Variants in CMIP observed in about 807,000 individuals in gnomAD.
CMIP encodes the protein c-Maf inducing protein.
A neutral mutation model predicts 97.3 loss-of-function variants in CMIP; 13 were observed. The observed-to-expected ratio is 0.13, with a 90% CI of 0.09 to 0.21. CMIP has a LOEUF of 0.21. CMIP is among the 10% of genes least tolerant of loss of function. The pLI, the probability that CMIP is intolerant of heterozygous loss-of-function variation, is 1.00. For missense variants in CMIP, 847 were observed against 1,024.9 expected, an observed-to-expected ratio of 0.83 and a Z score of 2.37; for synonymous variants, 538 against 436.3, an observed-to-expected ratio of 1.23 and a Z score of -2.91.
chr16:81,453,520 A>G lies in CMIP; in HGVS notation c.300+7979A>G, dbSNP rs1188523166. Among the ~76,000 whole-genome samples the G allele has an allele frequency of 6.6e-6, 1 of 152,234 alleles. No individual in the cohort carries two copies. Among genetic ancestry groups the G allele is most frequent in the East Asian group, 1.9e-4 (1 of 5,194 alleles). On this transcript the variant is annotated intron_variant, in intron 1 of 20. Transcript: ENST00000537098. This position sits in a 1 kb window ranked among gnomAD's most constrained non-coding sequence, Gnocchi z 4.0. ...GAAAATTGGAGCACACAGTCTGAGC[A>G]GACCCAGGCCTGGCTCTCCTCCCTC...
intron 2 of CMIP, 75 bp downstream of exon 2, chr16:81,607,767 A>C (rs56210219): frequency 0.025 from 38,400 of 1,508,874 alleles, 1,974 homozygotes; most frequent in East Asian, 0.19. Context: ...TTTCCCTTGG[A>C]GGGAGCCAGC....
chr16:81,705,553 C>T lies in CMIP; in HGVS notation c.2146C>T (p.Leu716=), dbSNP rs778037633. 42 of 1,609,354 alleles carry T rather than the reference C, an allele frequency of 2.6e-5. No homozygotes were observed. Among genetic ancestry groups the T allele is most frequent in the Non-Finnish European group, 3.5e-5 (41 of 1,178,644 alleles). Residue 716 remains leucine (L), a synonymous_variant, in exon 19 of 21, where the codon CTG becomes TTG. Transcript: ENST00000537098. ...GGAACACCTCACCATGCTCCAGGTG[C>T]TGAACCTGTGCGAGACCCCGGTCAC... The part of the protein sequence containing the change: ...LSEHLTMLQV[L]NLCETPVTDA...
At chr16:81,615,006 G>T (rs547117163) in intron 2 of CMIP, among the ~76,000 whole-genome samples, 1 of 143,748 alleles carries the variant, frequency 7.0e-6, no homozygotes, top group Non-Finnish European at 1.5e-5. Context: ...GTGTCTATAT[G>T]TGATGTCTCT....
In CMIP at chr16:81,678,715, G is replaced by C. The variant is rs1904552739; in HGVS notation, c.1388+87G>C. The C allele has an allele frequency of 2.1e-5, 14 of 654,144 alleles. No individual in the cohort carries two copies. In the South Asian group the frequency reaches 2.2e-4, roughly 10 times the overall value. 40.5% of individuals were successfully genotyped at this position (654,144 alleles called of 1,614,324 possible). A position where few individuals can be genotyped will look rare whatever the true frequency, so the allele number is the denominator to read the frequency against. On this transcript the variant is annotated intron_variant, in intron 10 of 20. Coordinates refer to ENST00000537098, the MANE Select transcript of CMIP (RefSeq NM_198390.3). Reference sequence around the variant, plus strand: ...TGGGTGCGGCTGTGTTTGTTGGTTCGAGCTACGCAGGGCCGGGCATGGTAG... The same window carrying C: ...TGGGTGCGGCTGTGTTTGTTGGTTCCAGCTACGCAGGGCCGGGCATGGTAG...
intron 3 of CMIP, among the ~76,000 whole-genome samples, chr16:81,640,078 G>A (rs570606346): frequency 1.6e-4 from 24 of 152,228 alleles, no homozygotes; most frequent in Non-Finnish European, 2.9e-4. Flanking sequence ...GTCCCTACCC[G>A]AATTCTCCTG....
At chr16:81,699,501 T>C (rs563014769) in intron 14 of CMIP, among the ~76,000 whole-genome samples, 184 bp from the exon 15 acceptor site, 2 of 152,152 alleles carry the variant, frequency 1.3e-5, no homozygotes, top group Non-Finnish European at 2.9e-5. Flanking sequence ...TCATCTGGGT[T>C]AGATCGTGTG....
intron 1 of CMIP, among the ~76,000 whole-genome samples, chr16:81,593,781 A>G (rs2091502969): frequency 6.6e-6 from 1 of 151,882 alleles, no homozygotes. Flanking sequence ...CCTCCCTAGC[A>G]CCCTCTTGAG....
chr16:81,705,925 A>C (rs979905379), intron 19 of CMIP, among the ~76,000 whole-genome samples: 3 of 152,186 alleles, frequency 2.0e-5, no homozygotes, highest in African/African-American at 7.2e-5. Context: ...GTACATTGCC[A>C]CTGTGGTCCC....
chr16:81,477,613 C>A (rs1239654084), intron 1 of CMIP, among the ~76,000 whole-genome samples: 1 of 152,238 alleles, frequency 6.6e-6, no homozygotes, highest in African/African-American at 2.4e-5. Context: ...ATGTAAGACT[C>A]CGGGATCATA....
chr16:81,518,835 ATTTTTTTTT>A (rs35435211), intron 1 of CMIP: 3 of 123,356 alleles, frequency 2.4e-5, no homozygotes, highest in East Asian at 4.8e-4. Flanking sequence ...CTGCATCTCT[ATTTTTTTTT>A]TTTTTTTTTT....
At position 81,710,154 on chromosome 16, in the gene CMIP, G is replaced by A. The variant is rs907737828; in HGVS notation, c.*355G>A. 3 of 308,348 alleles carry A rather than the reference G, an allele frequency of 9.7e-6. No homozygotes were observed. The highest frequency in any genetic ancestry group is 6.4e-5 in the African/African-American group (3 of 46,706). 19.1% of individuals were successfully genotyped at this position (308,348 alleles called of 1,614,324 possible). A position where few individuals can be genotyped will look rare whatever the true frequency, so the allele number is the denominator to read the frequency against. On this transcript the variant is annotated 3_prime_UTR_variant, in exon 21 of 21. Transcript: ENST00000537098. The stretch of plus-strand genomic sequence containing the variant: ...TGTTTGATGCCGTCGTGTGGGAAAA[G>A]TCAACTCCGATGCCACCATTGCGGG...
intron 1 of CMIP, among the ~76,000 whole-genome samples, chr16:81,542,866 T>C (rs1300319077): frequency 1.3e-5 from 2 of 152,162 alleles, no homozygotes; most frequent in Admixed American, 1.3e-4. Flanking sequence ...CAGAGGAATT[T>C]CCGGGAGGCA....
chr16:81,509,848 A>T lies in CMIP; in HGVS notation c.300+64307A>T, dbSNP rs371441076. Reference sequence around the variant, plus strand: ...CTCCCTTAACCAGGGAGGAGAGAACAGGTGAGTTTCCTGGTGGGCAGGAGC... The same window carrying T: ...CTCCCTTAACCAGGGAGGAGAGAACTGGTGAGTTTCCTGGTGGGCAGGAGC... On this transcript the variant is annotated intron_variant, in intron 1 of 20. Transcript: ENST00000537098. 1.7e-4 allele frequency among the ~76,000 whole-genome samples: 26 copies of T among 152,166 alleles called. 1 individual carries two copies. The East Asian group carries it at 3.3e-3, about 19-fold the overall frequency.
At chr16:81,466,010 T>G (rs1907181793) in intron 1 of CMIP, among the ~76,000 whole-genome samples, 1 of 151,908 alleles carries the variant, frequency 6.6e-6, no homozygotes, top group Non-Finnish European at 1.5e-5. Flanking sequence ...CCTTGTCCTT[T>G]CCTTTTTCTT....
intron 19 of CMIP, 114 bp downstream of exon 19, chr16:81,705,718 T>A: frequency 1.5e-6 from 1 of 664,634 alleles, no homozygotes; most frequent in Non-Finnish European, 2.6e-6. Context: ...GAGAAATTCG[T>A]TCATTCACAA....
At position 81,691,859 on chromosome 16, in the gene CMIP, C is replaced by G; in HGVS notation, c.1454+19C>G. 6.2e-7 allele frequency: 1 copy of G among 1,607,844 alleles called. No individual in the cohort carries two copies. The highest frequency in any genetic ancestry group is 8.5e-7 in the Non-Finnish European group (1 of 1,174,478). ...CCAAAGAGTAAGTCCCGTGTGCATC[C>G]CCGGAGCCCTCCCACCTGTGAGACA... On this transcript the variant is annotated intron_variant, in intron 11 of 20. Coordinates refer to ENST00000537098, the MANE Select transcript of CMIP (RefSeq NM_198390.3).
Position 81,655,406 on chromosome 16 carries a change from A to G in CMIP, c.640-2369A>G, listed in dbSNP as rs937383277. Reference sequence around the variant, plus strand: ...GAGAAAGAACTGTCCGTCCACCAGCAAAGCAAAGCTGGCTGTCCCCACCCT... The same window carrying G: ...GAGAAAGAACTGTCCGTCCACCAGCGAAGCAAAGCTGGCTGTCCCCACCCT... On this transcript the variant is annotated intron_variant, in intron 4 of 20. Coordinates refer to ENST00000537098, the MANE Select transcript of CMIP (RefSeq NM_198390.3). The surrounding 1 kb of genome is among the most constrained non-coding windows in gnomAD (Gnocchi z 4.9). 1.1e-4 allele frequency among the ~76,000 whole-genome samples: 16 copies of G among 152,226 alleles called. No individual in the cohort carries two copies. Among genetic ancestry groups the G allele is most frequent in the African/African-American group, 3.6e-4 (15 of 41,458 alleles).
chr16:81,535,926 A>T (rs944641375), intron 1 of CMIP, among the ~76,000 whole-genome samples: 3 of 152,184 alleles, frequency 2.0e-5, no homozygotes, highest in Admixed American at 2.0e-4. Context: ...CGCTGACTTC[A>T]AGGCGAGAGC....
intron 1 of CMIP, among the ~76,000 whole-genome samples, chr16:81,450,334 T>C (rs1906131370): frequency 6.6e-6 from 1 of 152,156 alleles, no homozygotes; most frequent in Non-Finnish European, 1.5e-5. Flanking sequence ...AGATTTGGGT[T>C]TTGCGTTCTC....
Sources: gnomAD v4.1 joint callset for allele counts (sites outside exome capture counted in the v4.1 genomes callset) on GRCh38, gnomAD v4.1.1 for gene constraint, Gnocchi (gnomAD v3.1) non-coding constraint, MANE v1.5 for transcripts, NCBI Gene and HGNC (gene_info 2026-07-23, HGNC 2026-07-21) for gene names.